PID1: variants seen among roughly 807,000 people sequenced by gnomAD.
The protein encoded by PID1 is phosphotyrosine interaction domain containing 1.
PID1 carries 10 observed loss-of-function variants against 19.1 expected under a neutral mutation model. That is an observed-to-expected ratio of 0.52 (90% CI 0.32 to 0.89). The LOEUF (loss-of-function observed/expected upper bound fraction) is 0.89, where lower values mean the gene tolerates loss of function less well. PID1 is among the 40% of genes least tolerant of loss of function. PID1 has a pLI of 0.03. For missense variants in PID1, 248 were observed against 285.3 expected (o/e 0.87, Z 0.94); for synonymous variants, 130 against 116.0 (o/e 1.12, Z -0.78).
rs371985748 is a variant in PID1 at position 229,136,434 on chromosome 2, G to C, written c.177+19384C>G. On this transcript the variant is annotated intron_variant, in intron 2 of 2. Coordinates refer to ENST00000392055, the MANE Select transcript of PID1 (RefSeq NM_001100818.2). ...TTTACTGTGTTAAGCCATTAATTTT[G>C]AGTTAATTTCTTATGCAACAATATG... 1.4e-4 allele frequency among the ~76,000 whole-genome samples: 21 copies of C among 152,168 alleles called. No individual in the cohort carries two copies. The South Asian group carries it at 3.3e-3, about 24-fold the overall frequency.
intron 1 of PID1, among the ~76,000 whole-genome samples, chr2:229,197,720 C>T (rs964929367): frequency 8.6e-5 from 13 of 151,666 alleles, no homozygotes; most frequent in African/African-American, 3.2e-4. Flanking sequence ...CAATATAATC[C>T]CTCTTGCTTT....
At chr2:229,148,165 G>C (rs1405177158) in intron 2 of PID1, among the ~76,000 whole-genome samples, 1 of 152,182 alleles carries the variant, frequency 6.6e-6, no homozygotes, top group East Asian at 1.9e-4. Context: ...AATAACAAAA[G>C]TGAGGTCACA....
intron 2 of PID1, among the ~76,000 whole-genome samples, chr2:229,027,574 T>C (rs1258392859): frequency 6.6e-6 from 1 of 151,908 alleles, no homozygotes; most frequent in Non-Finnish European, 1.5e-5. Flanking sequence ...GTACTGTGAG[T>C]GTTCAGTGGA....
At chr2:229,163,182 T>C (rs1346757974) in intron 1 of PID1, among the ~76,000 whole-genome samples, 1 of 152,154 alleles carries the variant, frequency 6.6e-6, no homozygotes, top group African/African-American at 2.4e-5. Context: ...ATAGGTCAAA[T>C]AATCTCCAAA....
rs541742087 is a variant in PID1, at chr2:229,025,321, C to T, written c.*311G>A. ...AACAGCTGCAGAGTATTTGCCTGAG[C>T]GTGGTGAAAACTGGCATGGAGCTCT... is the stretch of plus-strand genomic sequence containing the variant. On this transcript the variant is annotated 3_prime_UTR_variant, in exon 3 of 3. Coordinates refer to ENST00000392055, the MANE Select transcript of PID1 (RefSeq NM_001100818.2). 4 of 335,492 alleles carry T rather than the reference C, an allele frequency of 1.2e-5. No homozygotes were observed. The Admixed American group carries it at 1.8e-4, about 15-fold the overall frequency. 20.8% of individuals were successfully genotyped at this position (335,492 alleles called of 1,614,324 possible).
intron 1 of PID1, among the ~76,000 whole-genome samples, chr2:229,159,045 C>CACT (rs1318287293): frequency 6.6e-6 from 1 of 152,068 alleles, no homozygotes. Context: ...TGATTGTAGG[C>CACT]AATAATAACT....
intron 2 of PID1, among the ~76,000 whole-genome samples, chr2:229,080,668 A>G (rs1490547479): frequency 2.0e-5 from 3 of 152,218 alleles, no homozygotes; most frequent in Non-Finnish European, 2.9e-5. Context: ...TTCATCTTGC[A>G]TCTTTCAGCC....
intron 2 of PID1, among the ~76,000 whole-genome samples, chr2:229,070,605 AATG>A (rs1694431897): frequency 6.6e-6 from 1 of 152,188 alleles, no homozygotes; most frequent in Non-Finnish European, 1.5e-5. Context: ...CAATGTTGAG[AATG>A]ATGATGCCTC....
chr2:229,149,746 G>A (rs979097085), intron 2 of PID1, among the ~76,000 whole-genome samples: 23 of 152,332 alleles, frequency 1.5e-4, no homozygotes, highest in African/African-American at 5.3e-4. Flanking sequence ...ATCAAGCCAG[G>A]CCAAGTGCCT....
At chr2:229,154,511 G>T (rs1690325338) in intron 2 of PID1, among the ~76,000 whole-genome samples, 1 of 152,122 alleles carries the variant, frequency 6.6e-6, no homozygotes, top group Non-Finnish European at 1.5e-5. Context: ...GATGCTGGTG[G>T]GTTTTGCCCA....
chr2:229,128,554 A>C (rs554401589), intron 2 of PID1, among the ~76,000 whole-genome samples: 1 of 152,330 alleles, frequency 6.6e-6, no homozygotes, highest in East Asian at 1.9e-4. Flanking sequence ...CCAGATAACA[A>C]CACTTGAAAA....
intron 2 of PID1, among the ~76,000 whole-genome samples, chr2:229,130,632 C>T (rs2106167407): frequency 6.6e-6 from 1 of 152,156 alleles, no homozygotes; most frequent in African/African-American, 2.4e-5. Context: ...CGTCAAAGTT[C>T]TCAATCCATG....
chr2:229,270,590 A>G (rs527757492), intron 1 of PID1, among the ~76,000 whole-genome samples: 126 of 147,724 alleles, frequency 8.5e-4, no homozygotes, highest in African/African-American at 2.9e-3. Flanking sequence ...TCCACATTAT[A>G]TTGGCAAATG....
intron 1 of PID1, among the ~76,000 whole-genome samples, chr2:229,158,384 C>T (rs1690424720): frequency 6.6e-6 from 1 of 152,140 alleles, no homozygotes; most frequent in Non-Finnish European, 1.5e-5. Flanking sequence ...TTTATTGTTC[C>T]TATAATTTAT....
intron 1 of PID1, chr2:229,263,015 G>T (rs773325155): frequency 3.2e-6 from 3 of 930,562 alleles, no homozygotes; most frequent in Non-Finnish European, 4.4e-6. Flanking sequence ...GGTACCAGGG[G>T]TTAAGACTTC....
At chr2:229,253,760 G>T (rs2106285906) in intron 1 of PID1, among the ~76,000 whole-genome samples, 2 of 152,272 alleles carry the variant, frequency 1.3e-5, no homozygotes, top group Admixed American at 1.3e-4. Flanking sequence ...CATATGCTCT[G>T]CCCCACATAT....
intron 1 of PID1, among the ~76,000 whole-genome samples, chr2:229,197,906 G>C (rs147570301): frequency 1.2e-3 from 190 of 152,022 alleles, no homozygotes; most frequent in South Asian, 3.7e-3. Context: ...ATTCATCAAA[G>C]ACAATGCTCT....
intron 1 of PID1, among the ~76,000 whole-genome samples, chr2:229,165,412 C>T (rs1179828391): frequency 6.6e-6 from 1 of 151,958 alleles, no homozygotes; most frequent in Non-Finnish European, 1.5e-5. Flanking sequence ...CCAGCCTGGG[C>T]AAGATGGTGA....
At chr2:229,121,078 A>G (rs1237697742) in intron 2 of PID1, among the ~76,000 whole-genome samples, 1 of 152,196 alleles carries the variant, frequency 6.6e-6, no homozygotes, top group African/African-American at 2.4e-5. Context: ...TAAACTAACC[A>G]GTCTCTGGTA....
Sources: gnomAD v4.1 joint callset for allele counts (sites outside exome capture counted in the v4.1 genomes callset) on GRCh38, gnomAD v4.1.1 for gene constraint, MANE v1.5 for transcripts, NCBI Gene and HGNC (gene_info 2026-07-23, HGNC 2026-07-21) for gene names.